Variants in IMMP1L observed in about 807,000 individuals in gnomAD.
IMMP1L encodes the protein mitochondrial inner membrane protease subunit 1.
Under a neutral mutation model 21.8 loss-of-function variants are expected in IMMP1L, and 24 were observed. The observed-to-expected ratio is 1.10, with a 90% CI of 0.80 to 1.55. The LOEUF (loss-of-function observed/expected upper bound fraction) is 1.55, where lower values mean the gene tolerates loss of function less well. Ranked by LOEUF, IMMP1L falls within the 40% of genes most tolerant of loss-of-function variation. The pLI, the probability that IMMP1L is intolerant of heterozygous loss-of-function variation, is 0.00. For synonymous variants in IMMP1L, 46 were observed against 62.8 expected, an observed-to-expected ratio of 0.73 and a Z score of 1.26; for missense variants, 195 against 200.7, an observed-to-expected ratio of 0.97 and a Z score of 0.17.
chr11:31,505,642 T>C (rs944781640), intron 1 of IMMP1L, among the ~76,000 whole-genome samples: 1 of 152,196 alleles, frequency 6.6e-6, no homozygotes, highest in East Asian at 1.9e-4. Context: ...AGTATGTATT[T>C]CCATAAAGCT....
intron 4 of IMMP1L, among the ~76,000 whole-genome samples, chr11:31,447,428 C>A (rs762380856): frequency 5.3e-5 from 8 of 152,186 alleles, no homozygotes; most frequent in Non-Finnish European, 1.0e-4. Context: ...GGTCAAATTT[C>A]AAGTCTCTTT....
intron 3 of IMMP1L, among the ~76,000 whole-genome samples, chr11:31,458,726 T>C (rs1483808818): frequency 1.3e-5 from 2 of 152,318 alleles, no homozygotes; most frequent in Admixed American, 1.3e-4. Context: ...GCTCTAAAAG[T>C]TACTTTGGTA....
intron 1 of IMMP1L, among the ~76,000 whole-genome samples, chr11:31,502,213 A>G (rs1955644182): frequency 6.6e-6 from 1 of 152,226 alleles, no homozygotes; most frequent in African/African-American, 2.4e-5. Context: ...ATCACATTTG[A>G]AAGTAATAAT....
At chr11:31,452,317 A>C (rs1171641347) in intron 4 of IMMP1L, 3 of 984,306 alleles carry the variant, frequency 3.0e-6, no homozygotes, top group Non-Finnish European at 3.6e-6. Flanking sequence ...TATTATACTA[A>C]TAAACATTAT....
chr11:31,485,273 T>A (rs909016909), intron 1 of IMMP1L, among the ~76,000 whole-genome samples: 4 of 151,864 alleles, frequency 2.6e-5, no homozygotes, highest in Non-Finnish European at 5.9e-5. Context: ...ATGTCTATCC[T>A]ATCAAATATT....
At chr11:31,434,153 A>G (rs759660093) in intron 4 of IMMP1L, among the ~76,000 whole-genome samples, 8 of 152,198 alleles carry the variant, frequency 5.3e-5, no homozygotes, top group Non-Finnish European at 1.2e-4. Flanking sequence ...TTATACTTCA[A>G]TAATGACCAT....
chr11:31,508,326 C>A (rs1475446706), intron 1 of IMMP1L, among the ~76,000 whole-genome samples: 1 of 152,124 alleles, frequency 6.6e-6, no homozygotes, highest in Non-Finnish European at 1.5e-5. Context: ...TTAATTTTAT[C>A]TCCTCCAGGT....
At position 31,439,863 on chromosome 11, in the gene IMMP1L, C is replaced by T. The variant is rs556761641; in HGVS notation, c.322-6293G>A. Among the ~76,000 whole-genome samples the T allele has an allele frequency of 3.9e-5, 6 of 152,316 alleles. 1 individual carries two copies. The South Asian group carries it at 1.2e-3, about 32-fold the overall frequency. ...TCTGGATATCAACAAGATCTGTCCA[C>T]ACTGGCTGGTCAGAACACAAATGTC... On this transcript the variant is annotated intron_variant, in intron 4 of 5. Coordinates refer to ENST00000532287, the MANE Select transcript of IMMP1L (RefSeq NM_001304274.2).
At chr11:31,473,803 C>T in intron 1 of IMMP1L, 1 of 975,714 alleles carries the variant, frequency 1.0e-6, no homozygotes, top group Non-Finnish European at 1.2e-6. Flanking sequence ...AAAGAGAAAG[C>T]ATTTCGTTTC....
intron 1 of IMMP1L, among the ~76,000 whole-genome samples, chr11:31,500,699 A>G (rs1955592786): frequency 6.6e-6 from 1 of 152,038 alleles, no homozygotes; most frequent in South Asian, 2.1e-4. Context: ...AAAGCTGTAG[A>G]CACTTTTTTT....
intron 1 of IMMP1L, among the ~76,000 whole-genome samples, chr11:31,507,935 C>T (rs1371586583): frequency 2.6e-5 from 4 of 151,746 alleles, no homozygotes; most frequent in Non-Finnish European, 5.9e-5. Flanking sequence ...ATGAGGTACA[C>T]AAAACAATGC....
intron 4 of IMMP1L, chr11:31,452,623 GTTTCT>G (rs1365314948): frequency 1.1e-5 from 11 of 985,736 alleles, no homozygotes; most frequent in South Asian, 4.7e-5. Flanking sequence ...ATGACAATTT[GTTTCT>G]TTTGAGAGTC....
intron 1 of IMMP1L, among the ~76,000 whole-genome samples, chr11:31,504,934 A>C (rs1328229021): frequency 1.3e-5 from 2 of 152,232 alleles, no homozygotes; most frequent in Non-Finnish European, 2.9e-5. Flanking sequence ...GTATAATGAC[A>C]GGAAGGAGGC....
chr11:31,436,679 G>A (rs145786685), intron 4 of IMMP1L, among the ~76,000 whole-genome samples: 3 of 151,922 alleles, frequency 2.0e-5, no homozygotes, highest in African/African-American at 2.4e-5. Context: ...CAATCCACCC[G>A]CCTCAGCCTC....
intron 4 of IMMP1L, among the ~76,000 whole-genome samples, chr11:31,444,136 A>G (rs772678486): frequency 2.0e-5 from 3 of 152,176 alleles, no homozygotes; most frequent in Non-Finnish European, 4.4e-5. Flanking sequence ...TTTGCATACT[A>G]GTTAAGCACC....
At chr11:31,440,277 C>T (rs1953276872) in intron 4 of IMMP1L, among the ~76,000 whole-genome samples, 1 of 152,170 alleles carries the variant, frequency 6.6e-6, no homozygotes, top group African/African-American at 2.4e-5. Context: ...TGTATTAAAA[C>T]AGTAGTTTCA....
intron 4 of IMMP1L, among the ~76,000 whole-genome samples, chr11:31,444,926 T>TTTA (rs1953465139): frequency 6.6e-6 from 1 of 151,952 alleles, no homozygotes; most frequent in South Asian, 2.1e-4. Flanking sequence ...GAGAAGAGGG[T>TTTA]TGGGACTGAA....
At chr11:31,483,661 G>C (rs1246203248) in intron 1 of IMMP1L, among the ~76,000 whole-genome samples, 1 of 151,982 alleles carries the variant, frequency 6.6e-6, no homozygotes, top group Admixed American at 6.6e-5. Flanking sequence ...GGAAACTAAA[G>C]TGGTACAGAA....
chr11:31,508,017 G>C (rs575918448), intron 1 of IMMP1L, among the ~76,000 whole-genome samples: 3 of 152,102 alleles, frequency 2.0e-5, no homozygotes, highest in Non-Finnish European at 4.4e-5. Flanking sequence ...TTGTAGGGGT[G>C]GGGGGACAGA....
Sources: allele counts gnomAD v4.1 joint callset (sites outside exome capture counted in the v4.1 genomes callset), GRCh38; gene constraint gnomAD v4.1.1; transcripts MANE v1.5; gene names NCBI Gene and HGNC (gene_info 2026-07-23, HGNC 2026-07-21).